The following FGF14 variants were observed in gnomAD, a reference collection of about 807,000 sequenced individuals.
The protein encoded by FGF14 is fibroblast growth factor 14, also known as fibroblast growth factor homologous factor 4.
FGF14 carries 5 observed loss-of-function variants against 25.5 expected under a neutral mutation model. That is an observed-to-expected ratio of 0.20 (90% CI 0.10 to 0.41). The LOEUF is 0.41. FGF14 is among the 10% of genes least tolerant of loss of function. The probability of loss-of-function intolerance (pLI) is 1.00; values close to 1 mark genes in which losing one functional copy is unlikely to be tolerated. For missense variants in FGF14, 222 were observed against 320.1 expected, an observed-to-expected ratio of 0.69 and a Z score of 2.34; for synonymous variants, 138 against 118.3, an observed-to-expected ratio of 1.17 and a Z score of -1.08.
intron 1 of FGF14, among the ~76,000 whole-genome samples, chr13:102,169,397 G>A (rs1456539877): frequency 6.6e-6 from 1 of 152,038 alleles, no homozygotes; most frequent in African/African-American, 2.4e-5. Context: ...ATGCCCCTGA[G>A]GACAGGACCC....
chr13:101,889,285 C>T (rs1020468498), intron 1 of FGF14, among the ~76,000 whole-genome samples: 11 of 152,176 alleles, frequency 7.2e-5, no homozygotes, highest in East Asian at 5.8e-4. Context: ...GAGACAAAAC[C>T]GCCTTCACTT....
intron 1 of FGF14, among the ~76,000 whole-genome samples, chr13:102,133,868 G>A (rs915163566): frequency 6.6e-6 from 1 of 152,136 alleles, no homozygotes; most frequent in Non-Finnish European, 1.5e-5. Flanking sequence ...CATGGGGAAT[G>A]GACTATTAAC....
At chr13:101,923,596 A>G (rs918371789) in intron 1 of FGF14, among the ~76,000 whole-genome samples, 1 of 152,092 alleles carries the variant, frequency 6.6e-6, no homozygotes, top group African/African-American at 2.4e-5. Context: ...TTTCCGTGAT[A>G]GTATTATTGA....
At chr13:101,885,637 C>A (rs557609140) in intron 1 of FGF14, among the ~76,000 whole-genome samples, 14 of 151,078 alleles carry the variant, frequency 9.3e-5, no homozygotes, top group Middle Eastern at 3.4e-3. Context: ...TTGCTCAGTA[C>A]ATGAAGTTTC....
intron 1 of FGF14, among the ~76,000 whole-genome samples, chr13:102,077,494 A>C (rs920301129): frequency 2.0e-5 from 3 of 152,316 alleles, no homozygotes; most frequent in Middle Eastern, 6.8e-3. Context: ...ATGAATAGTT[A>C]TCTCTCAAAA....
intron 1 of FGF14, 104 bp downstream of exon 1, chr13:101,916,349 G>T: frequency 7.1e-7 from 1 of 1,401,892 alleles, no homozygotes; most frequent in Non-Finnish European, 1.0e-6. Context: ...GCCGGGGCCG[G>T]GGTGGGCCGG....
chr13:101,990,689 C>G (rs779744018), intron 1 of FGF14, among the ~76,000 whole-genome samples: 1 of 151,980 alleles, frequency 6.6e-6, no homozygotes, highest in Non-Finnish European at 1.5e-5. Flanking sequence ...GCACAGGTCT[C>G]TAGGGTTTTT....
At chr13:101,769,026 G>A (rs2038586806) in intron 3 of FGF14, among the ~76,000 whole-genome samples, 1 of 152,070 alleles carries the variant, frequency 6.6e-6, no homozygotes, top group South Asian at 2.1e-4. Flanking sequence ...TATGTGAAGA[G>A]AAACCACAGA....
intron 1 of FGF14, among the ~76,000 whole-genome samples, chr13:102,127,123 TA>T (rs1463840513): frequency 6.6e-6 from 1 of 152,152 alleles, no homozygotes; most frequent in African/African-American, 2.4e-5. Context: ...TACATATATG[TA>T]AAAGATAATA....
chr13:102,188,793 T>C (rs574037606), intron 1 of FGF14, among the ~76,000 whole-genome samples: 43 of 151,498 alleles, frequency 2.8e-4, no homozygotes, highest in Admixed American at 5.3e-4. Context: ...ATACAAAAAT[T>C]ACCTGGGCAT....
chr13:102,255,309 A>G (rs557919287), intron 1 of FGF14, among the ~76,000 whole-genome samples: 1 of 152,364 alleles, frequency 6.6e-6, no homozygotes, highest in African/African-American at 2.4e-5. Context: ...CAGTGATAGG[A>G]AAACTACTCA....
chr13:101,785,674 C>T (rs896540250), intron 3 of FGF14, among the ~76,000 whole-genome samples: 51 of 152,060 alleles, frequency 3.4e-4, no homozygotes, highest in African/African-American at 1.2e-3. Flanking sequence ...ATATTGTAAC[C>T]GTATTCTATT....
intron 1 of FGF14, among the ~76,000 whole-genome samples, chr13:102,138,943 G>A (rs1474102848): frequency 2.0e-5 from 3 of 152,162 alleles, no homozygotes; most frequent in Non-Finnish European, 4.4e-5. Context: ...AAAGCTATGA[G>A]TTTTCTGAGT....
intron 1 of FGF14, among the ~76,000 whole-genome samples, chr13:102,365,293 T>C (rs966182402): frequency 6.6e-6 from 1 of 152,076 alleles, no homozygotes; most frequent in African/African-American, 2.4e-5. Context: ...TAGAGGGCCA[T>C]GCCTGGACAG....
chr13:101,759,227 C>T (rs181995001), intron 3 of FGF14, among the ~76,000 whole-genome samples: 19 of 152,184 alleles, frequency 1.2e-4, no homozygotes, highest in African/African-American at 4.3e-4. Flanking sequence ...ATTAGGGAAC[C>T]GTAGATGATG....
intron 1 of FGF14, among the ~76,000 whole-genome samples, chr13:102,006,710 G>C (rs2039807353): frequency 7.6e-6 from 1 of 132,262 alleles, no homozygotes; most frequent in African/African-American, 2.8e-5. Flanking sequence ...TGAAATATGA[G>C]TCACAAAATC....
intron 1 of FGF14, among the ~76,000 whole-genome samples, chr13:102,276,332 CGTGT>C (rs35937411): frequency 1.8e-4 from 20 of 108,452 alleles, no homozygotes; most frequent in South Asian, 3.4e-4. Flanking sequence ...CACACACGTA[CGTGT>C]GTGTGTGTGT....
intron 1 of FGF14, among the ~76,000 whole-genome samples, chr13:102,319,022 C>T (rs896914332): frequency 6.6e-5 from 10 of 152,118 alleles, no homozygotes; most frequent in Non-Finnish European, 1.3e-4. Context: ...GGAGAGAAGC[C>T]GTTGCTGCGA....
At chr13:101,868,687 A>C (rs2044870057) in intron 3 of FGF14, 38 bp downstream of exon 3, 1 of 1,232,606 alleles carries the variant, frequency 8.1e-7, no homozygotes. Flanking sequence ...TTTTACATGC[A>C]TTGAACGAAT....
Sources: allele counts gnomAD v4.1 joint callset (sites outside exome capture counted in the v4.1 genomes callset), GRCh38; gene constraint gnomAD v4.1.1; transcripts MANE v1.5; gene names NCBI Gene and HGNC (gene_info 2026-07-23, HGNC 2026-07-21).